The following RAB20 variants were observed in gnomAD, a reference collection of about 807,000 sequenced individuals.
The protein encoded by RAB20 is ras-related protein Rab-20.
A neutral mutation model predicts 3.7 loss-of-function variants in RAB20; 2 were observed. That is an observed-to-expected ratio of 0.54 (90% CI 0.22 to 1.69). RAB20 has a LOEUF of 1.69. RAB20 is among the 40% of genes most tolerant of loss of function. The pLI, the probability that RAB20 is intolerant of heterozygous loss-of-function variation, is 0.19. For synonymous variants in RAB20, 126 were observed against 130.8 expected (o/e 0.96, Z 0.25); for missense variants, 276 against 311.9 (o/e 0.88, Z 0.87).
chr13:110,561,689 G>A lies in RAB20; in HGVS notation c.-170C>T. ...CCCGGGAGCTCAAGAGAGGAAGCGCGTGTGCGCGCCCGGGAAGGAGCTGGG... is the reference window on the plus strand; with the variant it reads ...CCCGGGAGCTCAAGAGAGGAAGCGCATGTGCGCGCCCGGGAAGGAGCTGGG... On this transcript the variant is annotated 5_prime_UTR_variant, in exon 1 of 2. It adds an upstream start codon to the 5' untranslated region. Coordinates refer to ENST00000267328, the MANE Select transcript of RAB20 (RefSeq NM_017817.3). The A allele has an allele frequency of 5.0e-6, 6 of 1,194,640 alleles. No individual in the cohort carries two copies. Among genetic ancestry groups the A allele is most frequent in the Non-Finnish European group, 4.3e-6 (4 of 920,390 alleles). The allele number at this position is 1,194,640 out of a possible 1,614,324, so 74.0% of individuals were successfully genotyped here. A position where few individuals can be genotyped will look rare whatever the true frequency, so the allele number is the denominator to read the frequency against.
chr13:110,540,323 C>T (rs1884735860), intron 1 of RAB20, among the ~76,000 whole-genome samples: 1 of 152,224 alleles, frequency 6.6e-6, no homozygotes, highest in South Asian at 2.1e-4. Flanking sequence ...AATAAAAGTG[C>T]AGGTATTTGC....
intron 1 of RAB20, 102 bp downstream of exon 1, chr13:110,561,246 G>A: frequency 1.4e-6 from 2 of 1,385,358 alleles, no homozygotes; most frequent in South Asian, 1.5e-5. Context: ...TGCTGTCCGA[G>A]GCCGGGACCC....
intron 1 of RAB20, among the ~76,000 whole-genome samples, chr13:110,533,789 A>C (rs938460475): frequency 4.6e-5 from 7 of 152,234 alleles, no homozygotes; most frequent in Non-Finnish European, 4.4e-5. Context: ...TTGTTTGTTG[A>C]TTTTAGTGCA....
rs1000876000 is a variant in RAB20, at chr13:110,523,508, C to A, written c.*157G>T. 7.9e-5 allele frequency: 106 copies of A among 1,341,806 alleles called. 1 individual carries two copies. Among genetic ancestry groups the A allele is most frequent in the Non-Finnish European group, 7.0e-5 (71 of 1,016,098 alleles). 83.1% of individuals were successfully genotyped at this position (1,341,806 alleles called of 1,614,324 possible). A position where few individuals can be genotyped will look rare whatever the true frequency, so the allele number is the denominator to read the frequency against. ...TGAGGAGACCACACACGTTGACCTC[C>A]TCTTCATAGCCAGCCATCATTTCCA... On this transcript the variant is annotated 3_prime_UTR_variant, in exon 2 of 2. Transcript: ENST00000267328.
At chr13:110,538,205 C>T (rs1884682449) in intron 1 of RAB20, among the ~76,000 whole-genome samples, 1 of 140,960 alleles carries the variant, frequency 7.1e-6, no homozygotes, top group Non-Finnish European at 1.5e-5. Context: ...TGCCACTGCA[C>T]TCCAGCCTGG....
At chr13:110,560,084 C>G (rs114938938) in intron 1 of RAB20, among the ~76,000 whole-genome samples, 1 of 152,054 alleles carries the variant, frequency 6.6e-6, no homozygotes, top group East Asian at 1.9e-4. Context: ...AAATTGGGTT[C>G]GTGAATTGGG....
rs200575186 is a variant in RAB20 at position 110,553,496 on chromosome 13, AAT to A, written c.172+7850_172+7851del. Among the ~76,000 whole-genome samples, 1,336 of 152,366 alleles carry A rather than the reference AAT, an allele frequency of 8.8e-3. 22 individuals carry two copies. The highest frequency in any genetic ancestry group is 0.031 in the African/African-American group (1,276 of 41,580). ...GTTTTCCGCAAAGGGCCAGATAGTA[AAT>A]ATGTTTGGCTTTCGGTGCTGTCTGG... On this transcript the variant is annotated intron_variant, in intron 1 of 1. Coordinates refer to ENST00000267328, the MANE Select transcript of RAB20 (RefSeq NM_017817.3).
chr13:110,526,523 C>T (rs1350885809), intron 1 of RAB20, among the ~76,000 whole-genome samples: 2 of 152,206 alleles, frequency 1.3e-5, no homozygotes, highest in Non-Finnish European at 2.9e-5. Context: ...AGGGCAACTT[C>T]CCCTGAGTGT....
rs534539648 is a variant in RAB20 at position 110,546,139 on chromosome 13, A to G, written c.172+15209T>C. Among the ~76,000 whole-genome samples, 4 of 152,312 alleles carry G rather than the reference A, an allele frequency of 2.6e-5. No homozygotes were observed. The East Asian group carries it at 7.7e-4, about 29-fold the overall frequency. ...TTTAATCCTTATCACCCTTTACAAA[A>G]GCTAAGGGAACCTATGATGTGCCAG... On this transcript the variant is annotated intron_variant, in intron 1 of 1. Transcript: ENST00000267328.
At chr13:110,535,728 G>T (rs962566469) in intron 1 of RAB20, among the ~76,000 whole-genome samples, 2 of 152,208 alleles carry the variant, frequency 1.3e-5, no homozygotes, top group African/African-American at 2.4e-5. Context: ...GCAGTGGCTG[G>T]CCCAGCGCCT....
Position 110,543,594 on chromosome 13 carries a change from G to A in RAB20, c.172+17754C>T, listed in dbSNP as rs954921238. ...TGTTGGTTGTTTCTTCTGTTCTGCA[G>A]AAGCTTTTTGGTTTGATGCAATCCC... is the stretch of plus-strand genomic sequence containing the variant. On this transcript the variant is annotated intron_variant, in intron 1 of 1. Coordinates refer to ENST00000267328, the MANE Select transcript of RAB20 (RefSeq NM_017817.3). 1.4e-3 allele frequency among the ~76,000 whole-genome samples: 215 copies of A among 152,206 alleles called. 1 individual carries two copies. The highest frequency in any genetic ancestry group is 5.0e-3 in the African/African-American group (209 of 41,538).
At chr13:110,545,107 C>T (rs1470917670) in intron 1 of RAB20, among the ~76,000 whole-genome samples, 3 of 152,078 alleles carry the variant, frequency 2.0e-5, no homozygotes, top group Non-Finnish European at 4.4e-5. Flanking sequence ...CCAATTAAAC[C>T]TCTTTTTCTT....
intron 1 of RAB20, among the ~76,000 whole-genome samples, chr13:110,537,342 C>A (rs1884665202): frequency 6.6e-6 from 1 of 151,772 alleles, no homozygotes; most frequent in African/African-American, 2.4e-5. Context: ...CTAATGCCAC[C>A]AGTATAAGGA....
At chr13:110,560,717 A>T (rs995022507) in intron 1 of RAB20, among the ~76,000 whole-genome samples, 4 of 152,098 alleles carry the variant, frequency 2.6e-5, no homozygotes, top group South Asian at 4.1e-4. Context: ...CAAATACTAC[A>T]CAATAAAAAT....
chr13:110,524,055 G>A lies in RAB20; in HGVS notation c.315C>T (p.Asp105=). The change falls in exon 2 of 2, where the codon GAC becomes GAT. Residue 105 remains aspartate (D), a synonymous_variant. Transcript: ENST00000267328. ...FLGLTDTASK[D]CLFAIVGNKV... is the part of the protein sequence containing the mutation. ...TGTTCCCCACGATGGCAAAGAGGCA[G>A]TCTTTGCTGGCTGTGTCTGTCAGGC... 9 of 1,614,052 alleles carry A rather than the reference G, an allele frequency of 5.6e-6. No individual in the cohort carries two copies. Among genetic ancestry groups the A allele is most frequent in the South Asian group, 1.1e-5 (1 of 91,078 alleles).
intron 1 of RAB20, among the ~76,000 whole-genome samples, chr13:110,539,753 T>G (rs991571469): frequency 1.3e-5 from 2 of 152,024 alleles, no homozygotes; most frequent in Non-Finnish European, 1.5e-5. Flanking sequence ...AGAGACGGGG[T>G]ATCACCATGT....
Position 110,546,322 on chromosome 13 carries a change from C to G in RAB20, c.172+15026G>C, listed in dbSNP as rs140786925. Among the ~76,000 whole-genome samples the G allele has an allele frequency of 4.4e-3, 676 of 152,294 alleles. 3 individuals carry two copies. Among genetic ancestry groups the G allele is most frequent in the Middle Eastern group, 0.017 (5 of 294 alleles). ...CTGAGACTCAGAGACAGGATCATAT[C>G]TTCATTTTGTTTTCTAAAAGTGTTC... On this transcript the variant is annotated intron_variant, in intron 1 of 1. Coordinates refer to ENST00000267328, the MANE Select transcript of RAB20 (RefSeq NM_017817.3).
In RAB20 at chr13:110,561,632, C is replaced by G; in HGVS notation, c.-113G>C. 1.4e-6 allele frequency: 2 copies of G among 1,468,588 alleles called. No homozygotes were observed. Among genetic ancestry groups the G allele is most frequent in the Admixed American group, 2.6e-5 (1 of 38,194 alleles). 91.0% of individuals were successfully genotyped at this position (1,468,588 alleles called of 1,614,324 possible). A position where few individuals can be genotyped will look rare whatever the true frequency, so the allele number is the denominator to read the frequency against. ...CCGGACTCGCCGGGACCCGGATTCT[C>G]GTGAACGCTCCGGGACCTTCGCCTC... On this transcript the variant is annotated 5_prime_UTR_variant, in exon 1 of 2. Coordinates refer to ENST00000267328, the MANE Select transcript of RAB20 (RefSeq NM_017817.3).
At chr13:110,537,566 A>G (rs1884669551) in intron 1 of RAB20, among the ~76,000 whole-genome samples, 1 of 151,960 alleles carries the variant, frequency 6.6e-6, no homozygotes, top group South Asian at 2.1e-4. Flanking sequence ...CATCATAAAC[A>G]GACCAACCTC....
Sources: allele counts gnomAD v4.1 joint callset (sites outside exome capture counted in the v4.1 genomes callset), GRCh38; gene constraint gnomAD v4.1.1; transcripts MANE v1.5; gene names NCBI Gene and HGNC (gene_info 2026-07-23, HGNC 2026-07-21).